The following FMN1 variants were observed in gnomAD, a reference collection of about 807,000 sequenced individuals.
FMN1 encodes the protein formin 1.
FMN1 carries 110 observed loss-of-function variants against 132.4 expected under a neutral mutation model. The ratio of observed to expected loss-of-function variants is 0.83; its 90% confidence interval spans 0.71 to 0.97. The LOEUF (loss-of-function observed/expected upper bound fraction) is 0.97. Ranked by LOEUF, FMN1 falls within the 50% of genes least tolerant of loss-of-function variation. The pLI is 0.00. For missense variants in FMN1, 1,792 were observed against 1,705.3 expected (o/e 1.05, Z -0.90); for synonymous variants, 722 against 651.7 (o/e 1.11, Z -1.64).
chr15:33,099,176 A>G (rs1164807388), intron 4 of FMN1, among the ~76,000 whole-genome samples: 1 of 152,136 alleles, frequency 6.6e-6, no homozygotes, highest in African/African-American at 2.4e-5. Flanking sequence ...CTGTAGTCTC[A>G]GCTACTCTGG....
intron 4 of FMN1, among the ~76,000 whole-genome samples, chr15:33,123,595 G>C (rs1962770062): frequency 6.6e-6 from 1 of 152,130 alleles, no homozygotes; most frequent in South Asian, 2.1e-4. Context: ...CATATGGTAT[G>C]GGGGTACAGG....
intron 10 of FMN1, among the ~76,000 whole-genome samples, chr15:32,924,059 T>C (rs1351612861): frequency 6.6e-6 from 1 of 152,140 alleles, no homozygotes; most frequent in African/African-American, 2.4e-5. Context: ...AAAACATTTG[T>C]TTTTGTTTTT....
intron 6 of FMN1, among the ~76,000 whole-genome samples, chr15:33,017,729 A>G (rs2035142168): frequency 1.3e-5 from 2 of 152,200 alleles, no homozygotes; most frequent in Admixed American, 1.3e-4. Context: ...CCAAGCCACT[A>G]GTTTCTTACC....
At chr15:33,106,349 C>A (rs1302591808) in intron 4 of FMN1, 1 of 151,774 alleles carries the variant, frequency 6.6e-6, no homozygotes, top group African/African-American at 2.4e-5. Flanking sequence ...GCCAAAATTT[C>A]ATTTGGCATT....
intron 9 of FMN1, among the ~76,000 whole-genome samples, chr15:32,953,718 G>A (rs2061702645): frequency 6.6e-6 from 1 of 152,170 alleles, no homozygotes; most frequent in South Asian, 2.1e-4. Context: ...AAAAATGGTG[G>A]AGGGCCACCC....
intron 5 of FMN1, chr15:33,067,806 G>A (rs552932232): frequency 2.0e-5 from 33 of 1,613,976 alleles, no homozygotes; most frequent in Non-Finnish European, 2.5e-5. Context: ...AGGATCGACT[G>A]AGCCACTTCA....
At chr15:33,115,028 G>A (rs1380793556) in intron 4 of FMN1, among the ~76,000 whole-genome samples, 2 of 152,068 alleles carry the variant, frequency 1.3e-5, no homozygotes, top group African/African-American at 4.8e-5. Flanking sequence ...ATTTTATAGA[G>A]TCCTCAAGAC....
chr15:33,162,073 G>A (rs950556526), intron 3 of FMN1, among the ~76,000 whole-genome samples: 5 of 151,926 alleles, frequency 3.3e-5, no homozygotes, highest in African/African-American at 4.8e-5. Context: ...GTGCAGTGGC[G>A]TGATCTCAGC....
chr15:32,796,431 T>A (rs72717646), intron 19 of FMN1, among the ~76,000 whole-genome samples: 19,549 of 152,266 alleles, frequency 0.13, 1,270 homozygotes, highest in Middle Eastern at 0.17. Context: ...TTACACATCA[T>A]CAGGTTTTTA....
intron 4 of FMN1, among the ~76,000 whole-genome samples, chr15:33,111,528 A>T (rs571229262): frequency 1.3e-5 from 2 of 152,334 alleles, no homozygotes; most frequent in Admixed American, 1.3e-4. Context: ...ACTTGTACAC[A>T]AATGTTCGTA....
chr15:32,984,020 G>C (rs943409334), intron 7 of FMN1, among the ~76,000 whole-genome samples: 6 of 151,984 alleles, frequency 3.9e-5, no homozygotes, highest in African/African-American at 1.5e-4. Context: ...TTAACACCGT[G>C]ATGTCTCATT....
chr15:33,084,470 C>A (rs2038611559), intron 5 of FMN1, among the ~76,000 whole-genome samples: 1 of 151,964 alleles, frequency 6.6e-6, no homozygotes, highest in Admixed American at 6.6e-5. Context: ...GGGACCGAAT[C>A]CTTAACTTGT....
chr15:33,087,688 T>A (rs571130603), intron 5 of FMN1, among the ~76,000 whole-genome samples: 3 of 152,332 alleles, frequency 2.0e-5, no homozygotes, highest in African/African-American at 7.2e-5. Context: ...ACGAAAAAGA[T>A]ACTTGCACAT....
At chr15:33,131,437 C>T (rs531811393) in intron 4 of FMN1, among the ~76,000 whole-genome samples, 1 of 151,678 alleles carries the variant, frequency 6.6e-6, no homozygotes, top group East Asian at 1.9e-4. Flanking sequence ...TAAATGTCAG[C>T]TGAAGATGGA....
Position 33,067,629 on chromosome 15 carries a change from G to A in FMN1, c.2044-2555C>T, listed in dbSNP as rs766238233. The A allele has an allele frequency of 2.8e-5, 45 of 1,613,872 alleles. No individual in the cohort carries two copies. The highest frequency in any genetic ancestry group is 6.7e-5 in the African/African-American group (5 of 74,924). ...TCATTTCCGAGGTCAGGTGAAACCC[G>A]AGACCCTGCTTCCTGTGGATCCAAG... is the stretch of plus-strand genomic sequence containing the variant. On this transcript the variant is annotated intron_variant, in intron 5 of 20. Coordinates refer to ENST00000616417, the MANE Select transcript of FMN1 (RefSeq NM_001277313.2).
intron 6 of FMN1, among the ~76,000 whole-genome samples, chr15:33,021,194 T>TC (rs1463616296): frequency 6.6e-6 from 1 of 152,166 alleles, no homozygotes; most frequent in Non-Finnish European, 1.5e-5. Flanking sequence ...CAGTCAGCAG[T>TC]CAAGAACAGC....
chr15:32,926,193 T>C lies in FMN1; in HGVS notation c.3207A>G (p.Glu1069=). ...VGILISSLHL[E]MKDIQQAIFN... Reference sequence around the variant, plus strand: ...ACTTACCCTGTTGGATATCCTTCATTTCTAAATGTAAACTAGATATCAAGA... The same window carrying C: ...ACTTACCCTGTTGGATATCCTTCATCTCTAAATGTAAACTAGATATCAAGA... The change falls in exon 10 of 21, where the codon GAA becomes GAG. Residue 1069 remains glutamate (E), a synonymous_variant. Transcript: ENST00000616417. 6.5e-7 allele frequency: 1 copy of C among 1,549,234 alleles called. No individual in the cohort carries two copies. Among genetic ancestry groups the C allele is most frequent in the Non-Finnish European group, 8.8e-7 (1 of 1,140,626 alleles).
At chr15:33,046,379 C>T (rs899814086) in intron 6 of FMN1, among the ~76,000 whole-genome samples, 3 of 152,080 alleles carry the variant, frequency 2.0e-5, no homozygotes, top group African/African-American at 7.2e-5. Context: ...CTAGGGATGC[C>T]TATTAATATG....
At chr15:32,907,125 G>T (rs1596243358) in intron 12 of FMN1, among the ~76,000 whole-genome samples, 1 of 152,268 alleles carries the variant, frequency 6.6e-6, no homozygotes. Flanking sequence ...ACAGGCCAGG[G>T]GTTGGGGTTG....
Sources: allele counts gnomAD v4.1 joint callset (sites outside exome capture counted in the v4.1 genomes callset), GRCh38; gene constraint gnomAD v4.1.1; transcripts MANE v1.5; gene names NCBI Gene and HGNC (gene_info 2026-07-23, HGNC 2026-07-21).